SLIT3: variants seen among roughly 807,000 people sequenced by gnomAD.
SLIT3 encodes slit homolog 3 protein.
Under a neutral mutation model 184.0 loss-of-function variants are expected in SLIT3, and 68 were observed. The ratio of observed to expected loss-of-function variants is 0.37; its 90% CI spans 0.30 to 0.45. SLIT3 has a LOEUF of 0.45. Ranked by LOEUF, SLIT3 falls within the 20% of genes least tolerant of loss-of-function variation. The probability of loss-of-function intolerance (pLI) is 1.00; values close to 1 mark genes in which losing one functional copy is unlikely to be tolerated. For missense variants in SLIT3, 1,707 were observed against 2,026.0 expected, an observed-to-expected ratio of 0.84 and a Z score of 3.02; for synonymous variants, 831 against 828.6, an observed-to-expected ratio of 1.00 and a Z score of -0.05.
chr5:168,954,453 G>C (rs1337655432), intron 4 of SLIT3, among the ~76,000 whole-genome samples: 2 of 152,160 alleles, frequency 1.3e-5, no homozygotes, highest in Non-Finnish European at 2.9e-5. Flanking sequence ...CGAGAGTAAA[G>C]GAAGAACACT....
At chr5:168,713,218 C>T (rs1339191251) in intron 23 of SLIT3, among the ~76,000 whole-genome samples, 2 of 152,168 alleles carry the variant, frequency 1.3e-5, no homozygotes, top group South Asian at 2.1e-4. Context: ...TGCATCTTCC[C>T]ACAGCACGTT....
intron 4 of SLIT3, among the ~76,000 whole-genome samples, chr5:169,069,058 C>T (rs1464554861): frequency 6.6e-6 from 1 of 152,180 alleles, no homozygotes; most frequent in Non-Finnish European, 1.5e-5. Context: ...AATGGCTGCC[C>T]TTTATTGAAG....
At chr5:168,860,802 T>G (rs534926894) in intron 5 of SLIT3, among the ~76,000 whole-genome samples, 80 of 152,292 alleles carry the variant, frequency 5.3e-4, no homozygotes, top group African/African-American at 1.6e-3. Context: ...TTAAGCTGTT[T>G]CCCCTGCCCT....
intron 3 of SLIT3, among the ~76,000 whole-genome samples, chr5:169,239,531 TTTTCAA>T (rs1436909744): frequency 2.0e-5 from 3 of 152,194 alleles, no homozygotes; most frequent in African/African-American, 7.2e-5. Flanking sequence ...CCTGTTTCTA[TTTTCAA>T]TTTCATTTAC....
In SLIT3 at chr5:168,675,411, G is replaced by A. The variant is rs140163764; in HGVS notation, c.3687-2080C>T. Among the ~76,000 whole-genome samples, 16 of 152,288 alleles carry A rather than the reference G, an allele frequency of 1.1e-4. No individual in the cohort carries two copies. The East Asian group carries it at 2.3e-3, about 22-fold the overall frequency. ...ACAGGCTAAATTGGGGTATACTGAAGAAAACAGAGTCCATTCTAGCCCCTT... is the reference window on the plus strand; with the variant it reads ...ACAGGCTAAATTGGGGTATACTGAAAAAAACAGAGTCCATTCTAGCCCCTT... On this transcript the variant is annotated intron_variant, in intron 32 of 35. Coordinates refer to ENST00000519560, the MANE Select transcript of SLIT3 (RefSeq NM_003062.4).
At chr5:169,273,163 C>A (rs1046322082) in intron 1 of SLIT3, among the ~76,000 whole-genome samples, 1 of 152,196 alleles carries the variant, frequency 6.6e-6, no homozygotes, top group Admixed American at 6.5e-5. Context: ...CCCACCACCC[C>A]CTGCCTCTGG....
intron 4 of SLIT3, among the ~76,000 whole-genome samples, chr5:169,009,243 C>T (rs1756049112): frequency 1.3e-5 from 2 of 152,228 alleles, no homozygotes; most frequent in Admixed American, 1.3e-4. Flanking sequence ...TCCTCCCCTG[C>T]ACCTTTAGAG....
At chr5:168,986,398 G>A (rs561146918) in intron 4 of SLIT3, among the ~76,000 whole-genome samples, 24 of 152,050 alleles carry the variant, frequency 1.6e-4, no homozygotes, top group Middle Eastern at 3.4e-3. Flanking sequence ...CTTCTTACAT[G>A]GCCTCCATAG....
In SLIT3 at chr5:168,785,987, G is replaced by C. The variant is rs946381345; in HGVS notation, c.1080-9C>G. 3 of 1,596,892 alleles carry C rather than the reference G, an allele frequency of 1.9e-6. No homozygotes were observed. The highest frequency in any genetic ancestry group is 2.6e-6 in the Non-Finnish European group (3 of 1,164,482). On this transcript the variant is annotated splice_polypyrimidine_tract_variant and intron_variant, in intron 11 of 35. Transcript: ENST00000519560. ...TGTTCCCATACAGGACCCTGAAAGA[G>C]AGAAGGAGAAGACAGCAATCACTGT...
chr5:168,892,869 C>G (rs766025417), intron 4 of SLIT3, among the ~76,000 whole-genome samples: 2 of 152,176 alleles, frequency 1.3e-5, no homozygotes, highest in Non-Finnish European at 2.9e-5. Flanking sequence ...CTCAATTTAG[C>G]GACAAGGCAG....
chr5:169,034,948 T>C (rs1394438098), intron 4 of SLIT3, among the ~76,000 whole-genome samples: 1 of 150,902 alleles, frequency 6.6e-6, no homozygotes, highest in African/African-American at 2.4e-5. Context: ...TGTGTGTGTG[T>C]GTGTGTGTGT....
chr5:169,019,981 C>T (rs1212201473), intron 4 of SLIT3, among the ~76,000 whole-genome samples: 1 of 152,168 alleles, frequency 6.6e-6, no homozygotes, highest in African/African-American at 2.4e-5. Flanking sequence ...CAGAGACTGA[C>T]AAATAAAGGC....
chr5:168,973,943 G>C lies in SLIT3; in HGVS notation c.414-90607C>G, dbSNP rs184149753. ...CAACAATGTCAAGGGGGAAAAGTTG[G>C]ATTCCTTGCTAATGGAGCTCTCATG... On this transcript the variant is annotated intron_variant, in intron 4 of 35. Transcript: ENST00000519560. Among the ~76,000 whole-genome samples the C allele has an allele frequency of 2.0e-5, 3 of 152,266 alleles. No individual in the cohort carries two copies. In the East Asian group the frequency reaches 5.8e-4, roughly 29 times the overall value.
At chr5:168,846,516 G>A (rs1465654344) in intron 5 of SLIT3, among the ~76,000 whole-genome samples, 1 of 152,100 alleles carries the variant, frequency 6.6e-6, no homozygotes, top group African/African-American at 2.4e-5. Flanking sequence ...TTAGAGGCCG[G>A]TGAATCAACA....
At chr5:169,005,555 T>C (rs1755889180) in intron 4 of SLIT3, among the ~76,000 whole-genome samples, 1 of 152,176 alleles carries the variant, frequency 6.6e-6, no homozygotes, top group Non-Finnish European at 1.5e-5. Flanking sequence ...AGACAATACA[T>C]TCAACTCAGT....
chr5:169,294,724 G>A (rs878953545), intron 1 of SLIT3, among the ~76,000 whole-genome samples: 6 of 152,298 alleles, frequency 3.9e-5, no homozygotes, highest in Middle Eastern at 6.8e-3. Context: ...AGGCGATTTC[G>A]TCATTGTGCA....
chr5:169,075,775 T>C (rs1048671845), intron 4 of SLIT3, among the ~76,000 whole-genome samples: 4 of 152,244 alleles, frequency 2.6e-5, no homozygotes, highest in Admixed American at 1.3e-4. Flanking sequence ...GGCTCTTCTG[T>C]GCTTCTCTTT....
rs1024937285 is a variant in SLIT3, at chr5:168,762,441, G to A, written c.1610+98C>T. The A allele has an allele frequency of 4.2e-5, 56 of 1,318,924 alleles. 1 individual carries two copies. The highest frequency in any genetic ancestry group is 5.6e-5 in the Non-Finnish European group (52 of 932,478). 81.7% of individuals were successfully genotyped at this position (1,318,924 alleles called of 1,614,324 possible). ...CAGCCAACAAACACCACATGACTGA[G>A]CCAGGAAGGGGTCACCGCCAGGAGA... On this transcript the variant is annotated intron_variant, in intron 15 of 35. Coordinates refer to ENST00000519560, the MANE Select transcript of SLIT3 (RefSeq NM_003062.4).
intron 3 of SLIT3, among the ~76,000 whole-genome samples, chr5:169,224,799 G>A (rs1228847219): frequency 1.3e-5 from 2 of 152,104 alleles, no homozygotes; most frequent in Admixed American, 6.6e-5. Context: ...CTGTTCTCAT[G>A]CTTCATCCTC....
Sources: allele counts gnomAD v4.1 joint callset (sites outside exome capture counted in the v4.1 genomes callset), GRCh38; gene constraint gnomAD v4.1.1; transcripts MANE v1.5; gene names NCBI Gene and HGNC (gene_info 2026-07-23, HGNC 2026-07-21).